The following RAB5IF variants were observed in gnomAD, a reference collection of about 807,000 sequenced individuals.
The protein encoded by RAB5IF is GEL complex subunit OPTI.
RAB5IF carries 15 observed loss-of-function variants against 20.3 expected under a neutral mutation model. The observed-to-expected ratio is 0.74, with a 90% CI of 0.50 to 1.14. The LOEUF (loss-of-function observed/expected upper bound fraction) is 1.14, where lower values mean the gene tolerates loss of function less well. RAB5IF is among the 50% of genes most tolerant of loss of function. The pLI, the probability that RAB5IF is intolerant of heterozygous loss-of-function variation, is 0.00. For missense variants in RAB5IF, 148 were observed against 159.5 expected, an observed-to-expected ratio of 0.93 and a Z score of 0.39; for synonymous variants, 67 against 63.7, an observed-to-expected ratio of 1.05 and a Z score of -0.25.
At chr20:36,609,120 C>T (rs1394439879) in intron 2 of RAB5IF, among the ~76,000 whole-genome samples, 2 of 149,536 alleles carry the variant, frequency 1.3e-5, no homozygotes, top group Non-Finnish European at 3.0e-5. Context: ...GCTTATCAGC[C>T]ATTCTGTTAC....
intron 3 of RAB5IF, 105 bp downstream of exon 3, chr20:36,609,835 A>G (rs568185570): frequency 1.2e-6 from 2 of 1,606,652 alleles, no homozygotes; most frequent in Admixed American, 1.7e-5. Context: ...GCAGGGTGCT[A>G]TTTTTCTAAA....
intron 3 of RAB5IF, 35 bp downstream of exon 3, chr20:36,609,765 T>G: frequency 6.2e-7 from 1 of 1,614,134 alleles, no homozygotes; most frequent in Non-Finnish European, 8.5e-7. Context: ...ACAGGTACTG[T>G]TCATTTCATG....
intron 2 of RAB5IF, among the ~76,000 whole-genome samples, chr20:36,609,158 C>CATACATACATATAT (rs1278640879): frequency 8.3e-4 from 8 of 9,630 alleles, no homozygotes; most frequent in South Asian, 8.2e-3. Context: ...AACTATATTA[C>CATACATACATATAT]ACACACACAC....
intron 3 of RAB5IF, among the ~76,000 whole-genome samples, chr20:36,611,395 G>A (rs2039111460): frequency 6.7e-6 from 1 of 148,944 alleles, no homozygotes; most frequent in East Asian, 2.0e-4. Flanking sequence ...CCAGGAGTTC[G>A]AGACCAGCTT....
chr20:36,606,223 TGGGCGGACAGC>T (rs2038931275), intron 1 of RAB5IF, among the ~76,000 whole-genome samples, 158 bp downstream of exon 1: 1 of 152,118 alleles, frequency 6.6e-6, no homozygotes, highest in African/African-American at 2.4e-5. Context: ...TGGCGGGCAC[TGGGCGGACAGC>T]TGGGCTTGGA....
In RAB5IF at chr20:36,607,455, C is replaced by A. The variant is rs549501633; in HGVS notation, c.115-260C>A. Reference sequence around the variant, plus strand: ...ATGTTGGCCGGGCTGGTCTTGAACTCCTGACATCAGGTGATCCACCCGCCT... The same window carrying A: ...ATGTTGGCCGGGCTGGTCTTGAACTACTGACATCAGGTGATCCACCCGCCT... On this transcript the variant is annotated intron_variant, in intron 1 of 3. Transcript: ENST00000344795. Among the ~76,000 whole-genome samples, 33 of 152,204 alleles carry A rather than the reference C, an allele frequency of 2.2e-4. 1 individual carries two copies. Among genetic ancestry groups the A allele is most frequent in the African/African-American group, 7.9e-4 (33 of 41,528 alleles).
intron 2 of RAB5IF, among the ~76,000 whole-genome samples, chr20:36,609,219 G>GCACACACACACACA (rs1555790838): frequency 2.3e-5 from 1 of 42,770 alleles, no homozygotes. Flanking sequence ...ACGCACACAC[G>GCACACACACACACA]CACACACACA....
intron 2 of RAB5IF, among the ~76,000 whole-genome samples, chr20:36,609,217 A>C (rs2039033635): frequency 3.9e-5 from 3 of 76,124 alleles, no homozygotes; most frequent in Non-Finnish European, 5.0e-5. Context: ...ACACGCACAC[A>C]CGCACACACA....
At chr20:36,608,182 C>T (rs1040650196) in intron 2 of RAB5IF, 5 of 343,930 alleles carry the variant, frequency 1.5e-5, no homozygotes, top group African/African-American at 1.1e-4. Context: ...CGACCATTTC[C>T]CTTGTTCCTG....
At chr20:36,608,766 T>C (rs2038994764) in intron 2 of RAB5IF, among the ~76,000 whole-genome samples, 1 of 151,754 alleles carries the variant, frequency 6.6e-6, no homozygotes, top group South Asian at 2.1e-4. Flanking sequence ...GGTTTCGCCA[T>C]GTTGGCCAGG....
chr20:36,612,370 A>C lies in RAB5IF; in HGVS notation c.*319A>C. 3 of 734,188 alleles carry C rather than the reference A, an allele frequency of 4.1e-6. No individual in the cohort carries two copies. Among genetic ancestry groups the C allele is most frequent in the Non-Finnish European group, 7.0e-6 (3 of 431,272 alleles). 45.5% of individuals were successfully genotyped at this position (734,188 alleles called of 1,614,324 possible). ...TGATGCACCTCTGGATTCAGATGAA[A>C]CATTAAATTGTCTTCCTCGATTCTC... On this transcript the variant is annotated 3_prime_UTR_variant, in exon 4 of 4. Transcript: ENST00000344795.
At chr20:36,608,785 G>C (rs6028336) in intron 2 of RAB5IF, among the ~76,000 whole-genome samples, 3,832 of 151,730 alleles carry the variant, frequency 0.025, 168 homozygotes, top group African/African-American at 0.088. Flanking sequence ...GGTTGGTCTT[G>C]AATTCCTGAC....
At chr20:36,609,169 A>ACACACACACACACACACT (rs1568595332) in intron 2 of RAB5IF, among the ~76,000 whole-genome samples, 1 of 16,518 alleles carries the variant, frequency 6.1e-5, no homozygotes. Context: ...ACACACACAC[A>ACACACACACACACACACT]CACACACACA....
At chr20:36,607,920 T>G (rs1398072049) in intron 2 of RAB5IF, 102 bp downstream of exon 2, 3 of 1,554,850 alleles carry the variant, frequency 1.9e-6, no homozygotes, top group Non-Finnish European at 1.7e-6. Flanking sequence ...GAGCTGTGTG[T>G]GTGTGTGATG....
Position 36,612,463 on chromosome 20 carries a change from G to A in RAB5IF, c.*412G>A, listed in dbSNP as rs1600811588. The stretch of plus-strand genomic sequence containing the variant: ...CTTCTGAAACAGCATGGCTGTATGT[G>A]CGTGGTCCATAGCACAGTACATGCA... On this transcript the variant is annotated 3_prime_UTR_variant, in exon 4 of 4. Coordinates refer to ENST00000344795, the MANE Select transcript of RAB5IF (RefSeq NM_018840.5). 2 of 569,282 alleles carry A rather than the reference G, an allele frequency of 3.5e-6. No homozygotes were observed. Among genetic ancestry groups the A allele is most frequent in the African/African-American group, 1.9e-5 (1 of 53,444 alleles). 35.3% of individuals were successfully genotyped at this position (569,282 alleles called of 1,614,324 possible). A position where few individuals can be genotyped will look rare whatever the true frequency, so the allele number is the denominator to read the frequency against.
chr20:36,607,237 G>A (rs1348106116), intron 1 of RAB5IF, among the ~76,000 whole-genome samples: 3 of 151,162 alleles, frequency 2.0e-5, no homozygotes. Context: ...GGAAGTGATC[G>A]CTTAATGATG....
chr20:36,608,942 A>G lies in RAB5IF; in HGVS notation c.219-659A>G, dbSNP rs570688125. On this transcript the variant is annotated intron_variant, in intron 2 of 3. Transcript: ENST00000344795. The stretch of plus-strand genomic sequence containing the variant: ...ATCTTTACGTTTGCATCCCGTAGCA[A>G]TAACAGACAGTGGATATCCAGAAAT... Among the ~76,000 whole-genome samples the G allele has an allele frequency of 4.0e-5, 6 of 151,864 alleles. No homozygotes were observed. In the South Asian group the frequency reaches 8.3e-4, roughly 21 times the overall value.
At chr20:36,611,493 CA>C (rs60975859) in intron 3 of RAB5IF, among the ~76,000 whole-genome samples, 2,714 of 46,522 alleles carry the variant, frequency 0.058, 17 homozygotes, top group African/African-American at 0.11. Flanking sequence ...CAGCAGGACT[CA>C]AAAAAAAAAA....
At position 36,609,190 on chromosome 20, in the gene RAB5IF, C is replaced by CAGAACTATATTACATACATACAT. The variant is rs1568595416; in HGVS notation, c.219-410_219-409insGAACTATATTACATACATACATA. Among the ~76,000 whole-genome samples the CAGAACTATATTACATACATACAT allele has an allele frequency of 5.2e-4, 27 of 52,140 alleles. 1 individual carries two copies. Among genetic ancestry groups the CAGAACTATATTACATACATACAT allele is most frequent in the Admixed American group, 7.6e-4 (4 of 5,246 alleles). 34.2% of individuals were successfully genotyped at this position (52,140 alleles called of 152,430 possible). Reference sequence around the variant, plus strand: ...ACACACACACACACACACACACACACACACGCACACACGCACACACGCACA... The same window carrying CAGAACTATATTACATACATACAT: ...ACACACACACACACACACACACACACAGAACTATATTACATACATACATACACGCACACACGCACACACGCACA... On this transcript the variant is annotated intron_variant, in intron 2 of 3. Transcript: ENST00000344795.
Sources: gnomAD v4.1 joint callset for allele counts (sites outside exome capture counted in the v4.1 genomes callset) on GRCh38, gnomAD v4.1.1 for gene constraint, MANE v1.5 for transcripts, NCBI Gene and HGNC (gene_info 2026-07-23, HGNC 2026-07-21) for gene names.